TMEM117: variants seen among roughly 807,000 people sequenced by gnomAD.
TMEM117 encodes the protein transmembrane protein 117.
In TMEM117, 27 loss-of-function variants were observed where a neutral mutation model predicts 52.4. The ratio of observed to expected loss-of-function variants is 0.51; its 90% CI spans 0.38 to 0.71. The LOEUF is 0.71. TMEM117 is among the 30% of genes least tolerant of loss of function. The pLI, the probability that TMEM117 is intolerant of heterozygous loss-of-function variation, is 0.00. For missense variants in TMEM117, 556 were observed against 630.5 expected (o/e 0.88, Z 1.26); for synonymous variants, 215 against 206.3 (o/e 1.04, Z -0.36).
chr12:44,339,711 G>T (rs972213183), intron 6 of TMEM117, among the ~76,000 whole-genome samples: 1 of 151,830 alleles, frequency 6.6e-6, no homozygotes, highest in Non-Finnish European at 1.5e-5. Context: ...AGATTTTATT[G>T]TGAAAAAGCC....
rs73290232 is a variant in TMEM117, at chr12:44,154,556, A to C, written c.510+10932A>C. 4.5e-3 allele frequency among the ~76,000 whole-genome samples: 683 copies of C among 152,010 alleles called. 5 individuals carry two copies. Among genetic ancestry groups the C allele is most frequent in the African/African-American group, 0.016 (651 of 41,498 alleles). ...TATTGAAGAAAAATGAAACCTAATA[A>C]TTTTCAAAACCCAAGTGCTTTTTTT... On this transcript the variant is annotated intron_variant, in intron 4 of 7. Transcript: ENST00000266534.
intron 5 of TMEM117, among the ~76,000 whole-genome samples, chr12:44,262,917 A>G (rs927731065): frequency 6.6e-6 from 1 of 152,214 alleles, no homozygotes; most frequent in African/African-American, 2.4e-5. Context: ...CTGTCTTACT[A>G]AAATGAAGCA....
At chr12:44,169,655 C>G (rs2138278904) in intron 4 of TMEM117, among the ~76,000 whole-genome samples, 1 of 152,236 alleles carries the variant, frequency 6.6e-6, no homozygotes, top group African/African-American at 2.4e-5. Context: ...CCTTTCCATC[C>G]TGTGGATGGT....
chr12:44,088,153 A>G (rs923704371), intron 3 of TMEM117, among the ~76,000 whole-genome samples: 1 of 152,180 alleles, frequency 6.6e-6, no homozygotes, highest in African/African-American at 2.4e-5. Flanking sequence ...TTATAAAAAC[A>G]GTTTTGTTGT....
intron 5 of TMEM117, among the ~76,000 whole-genome samples, chr12:44,214,306 C>T (rs990917299): frequency 1.3e-5 from 2 of 151,686 alleles, no homozygotes; most frequent in Admixed American, 6.6e-5. Context: ...CCACCACGCC[C>T]AGCTAGTTTT....
At chr12:44,120,015 G>T (rs79103413) in intron 3 of TMEM117, among the ~76,000 whole-genome samples, 36 of 152,204 alleles carry the variant, frequency 2.4e-4, no homozygotes, top group African/African-American at 8.7e-4. Context: ...CTTAAAATCA[G>T]TAGAATGGGA....
intron 2 of TMEM117, among the ~76,000 whole-genome samples, chr12:43,889,592 A>T (rs938700394): frequency 6.6e-6 from 1 of 152,130 alleles, no homozygotes; most frequent in Middle Eastern, 3.2e-3. Flanking sequence ...GAGGTTGGGG[A>T]CCCCAATGTA....
intron 6 of TMEM117, among the ~76,000 whole-genome samples, chr12:44,324,811 T>C (rs1951175120): frequency 6.6e-6 from 1 of 152,198 alleles, no homozygotes; most frequent in South Asian, 2.1e-4. Flanking sequence ...ATTGTAATTT[T>C]ATCTGTAACT....
the TMEM117 span, among the ~76,000 whole-genome samples, chr12:43,830,435 C>G: frequency 1.3e-5 from 2 of 151,732 alleles, no homozygotes; most frequent in African/African-American, 4.8e-5. Flanking sequence ...GGTGAAACCC[C>G]GTCTCTACTA....
intron 2 of TMEM117, among the ~76,000 whole-genome samples, chr12:43,929,063 A>G (rs1001362240): frequency 1.3e-5 from 2 of 151,632 alleles, no homozygotes; most frequent in African/African-American, 4.8e-5. Flanking sequence ...ATATGTGTGC[A>G]TGTGTCTTTA....
chr12:43,858,461 C>T (rs554242665), intron 2 of TMEM117, among the ~76,000 whole-genome samples: 78 of 152,312 alleles, frequency 5.1e-4, no homozygotes, highest in African/African-American at 1.8e-3. Context: ...GTCATTTAGT[C>T]GCCCCCACAA....
intron 5 of TMEM117, among the ~76,000 whole-genome samples, chr12:44,260,712 A>T (rs1369244593): frequency 6.6e-6 from 1 of 152,168 alleles, no homozygotes; most frequent in African/African-American, 2.4e-5. Context: ...CTGTTTACGG[A>T]TAGAGATTAG....
At chr12:43,856,327 A>T (rs1407222901) in intron 2 of TMEM117, among the ~76,000 whole-genome samples, 2 of 152,206 alleles carry the variant, frequency 1.3e-5, no homozygotes, top group Non-Finnish European at 1.5e-5. Flanking sequence ...TTCTGGAATC[A>T]TACTTCTTCT....
chr12:43,942,620 C>CTTT (rs532952208), intron 2 of TMEM117, among the ~76,000 whole-genome samples: 1 of 148,016 alleles, frequency 6.8e-6, no homozygotes, highest in Non-Finnish European at 1.5e-5. Context: ...CCTCCCCGCT[C>CTTT]TTTTTTTTTT....
intron 2 of TMEM117, among the ~76,000 whole-genome samples, chr12:43,895,765 A>G (rs934299852): frequency 8.5e-5 from 13 of 152,206 alleles, no homozygotes; most frequent in Admixed American, 3.3e-4. Context: ...CTAAAGGTCC[A>G]TGCTAATGCT....
At chr12:44,173,480 T>A (rs910519273) in intron 4 of TMEM117, among the ~76,000 whole-genome samples, 3 of 152,022 alleles carry the variant, frequency 2.0e-5, no homozygotes, top group Non-Finnish European at 4.4e-5. Context: ...CCATTTGCCT[T>A]GGTGTTTAAC....
rs561066316 is a variant in TMEM117 at position 44,201,527 on chromosome 12, CAA to C, written c.511-9762_511-9761del. Among the ~76,000 whole-genome samples, 237 of 152,222 alleles carry C rather than the reference CAA, an allele frequency of 1.6e-3. 2 individuals are homozygous for C. Among genetic ancestry groups the C allele is most frequent in the African/African-American group, 5.2e-3 (216 of 41,548 alleles). On this transcript the variant is annotated intron_variant, in intron 4 of 7. Coordinates refer to ENST00000266534, the MANE Select transcript of TMEM117 (RefSeq NM_032256.3). Reference sequence around the variant, plus strand: ...GCAAATCATGCCTAGAAAATTGACACAAGTCAGTAAACTTAGCAAAATTATTC... The same window carrying C: ...GCAAATCATGCCTAGAAAATTGACACGTCAGTAAACTTAGCAAAATTATTC...
intron 3 of TMEM117, among the ~76,000 whole-genome samples, chr12:43,955,191 G>A (rs558351967): frequency 3.0e-4 from 46 of 152,164 alleles, no homozygotes; most frequent in African/African-American, 8.9e-4. Flanking sequence ...ATAACATACC[G>A]AATGGGCAAA....
intron 6 of TMEM117, among the ~76,000 whole-genome samples, chr12:44,364,128 GTAA>G (rs1951759299): frequency 1.3e-5 from 2 of 152,244 alleles, no homozygotes; most frequent in South Asian, 2.1e-4. Context: ...ACTGGCAAAT[GTAA>G]TAATTTCACA....
Sources: allele counts gnomAD v4.1 joint callset (sites outside exome capture counted in the v4.1 genomes callset), GRCh38; gene constraint gnomAD v4.1.1; transcripts MANE v1.5; gene names NCBI Gene and HGNC (gene_info 2026-07-23, HGNC 2026-07-21).